UNKL: variants seen among roughly 807,000 people sequenced by gnomAD.
UNKL encodes the protein unk like zinc finger.
Under a neutral mutation model 78.0 loss-of-function variants are expected in UNKL, and 60 were observed. The ratio of observed to expected loss-of-function variants is 0.77; its 90% CI spans 0.63 to 0.95. The LOEUF is 0.95. Among genes scored for constraint, UNKL ranks in the 40% least tolerant of loss-of-function variants. UNKL has a pLI of 0.00. For synonymous variants in UNKL, 608 were observed against 474.8 expected (o/e 1.28, Z -3.65); for missense variants, 1,159 against 1,045.7 (o/e 1.11, Z -1.49).
chr16:1,409,957 G>A (rs967677879), intron 2 of UNKL, among the ~76,000 whole-genome samples: 1 of 152,094 alleles, frequency 6.6e-6, no homozygotes, highest in African/African-American at 2.4e-5. Context: ...GCACACGCCT[G>A]TAATCCCAGC....
At chr16:1,394,316 G>A (rs555570577) in intron 6 of UNKL, 101 bp from the exon 7 acceptor site, 25 of 1,370,528 alleles carry the variant, frequency 1.8e-5, no homozygotes, top group Middle Eastern at 1.8e-4. Flanking sequence ...GCTCCAAATC[G>A]TAACAAGACA....
In UNKL at chr16:1,366,028, T is replaced by C; in HGVS notation, c.*212A>G. The C allele has an allele frequency of 2.0e-6, 1 of 491,504 alleles. No homozygotes were observed. Among genetic ancestry groups the C allele is most frequent in the South Asian group, 5.2e-5 (1 of 19,226 alleles). The allele number at this position is 491,504 out of a possible 1,614,324, so 30.4% of individuals were successfully genotyped here. A position where few individuals can be genotyped will look rare whatever the true frequency, so the allele number is the denominator to read the frequency against. On this transcript the variant is annotated 3_prime_UTR_variant, in exon 15 of 15. Coordinates refer to ENST00000389221, the MANE Select transcript of UNKL (RefSeq NM_001372107.1). Reference sequence around the variant, plus strand: ...TTTTGAGGAAAATACCTTGAAACCGTCGGTAGGACTAGATAGGTGACAACG... The same window carrying C: ...TTTTGAGGAAAATACCTTGAAACCGCCGGTAGGACTAGATAGGTGACAACG...
At chr16:1,413,738 A>G in intron 2 of UNKL, 108 bp downstream of exon 2, 1 of 1,236,416 alleles carries the variant, frequency 8.1e-7, no homozygotes, top group Non-Finnish European at 1.1e-6. Context: ...CTCCCTCTGC[A>G]GGGGCCAGGT....
chr16:1,370,813 C>T (rs552544401), intron 11 of UNKL, among the ~76,000 whole-genome samples: 1 of 152,046 alleles, frequency 6.6e-6, no homozygotes, highest in East Asian at 1.9e-4. Flanking sequence ...GCCGGGCGCA[C>T]TGGCTCACGC....
At chr16:1,405,635 T>A (rs2037722351) in intron 2 of UNKL, among the ~76,000 whole-genome samples, 1 of 149,976 alleles carries the variant, frequency 6.7e-6, no homozygotes, top group African/African-American at 2.5e-5. Flanking sequence ...TACGGACACC[T>A]AGGAGGTGAG....
intron 14 of UNKL, 122 bp downstream of exon 14, chr16:1,366,970 G>A (rs2035321576): frequency 7.0e-7 from 1 of 1,427,972 alleles, no homozygotes; most frequent in Non-Finnish European, 9.1e-7. Flanking sequence ...TCCTCCCTAG[G>A]CCCGGAGCAG....
chr16:1,377,659 C>T (rs1277869720), intron 10 of UNKL, among the ~76,000 whole-genome samples: 1 of 152,188 alleles, frequency 6.6e-6, no homozygotes, highest in Non-Finnish European at 1.5e-5. Context: ...TCCCTGAGGG[C>T]TGGCAGCCTC....
intron 2 of UNKL, among the ~76,000 whole-genome samples, chr16:1,409,457 C>T (rs79590264): frequency 2.0e-5 from 3 of 151,990 alleles, no homozygotes; most frequent in African/African-American, 7.3e-5. Flanking sequence ...AAGGGCCGGT[C>T]GAAGCAAGTC....
chr16:1,390,142 A>G (rs2036987283), intron 9 of UNKL, among the ~76,000 whole-genome samples: 1 of 152,180 alleles, frequency 6.6e-6, no homozygotes, highest in South Asian at 2.1e-4. Flanking sequence ...ACGTGCCACC[A>G]TGCCTGGCTA....
intron 5 of UNKL, chr16:1,398,395 G>A (rs1259399864): frequency 2.0e-5 from 21 of 1,025,570 alleles, no homozygotes; most frequent in Middle Eastern, 9.5e-4. Context: ...TTCTTTCCAT[G>A]ACGGGCGATG....
intron 2 of UNKL, among the ~76,000 whole-genome samples, chr16:1,404,211 G>A (rs1352657926): frequency 6.6e-6 from 1 of 152,178 alleles, no homozygotes; most frequent in Non-Finnish European, 1.5e-5. Context: ...AAGGGCCAAG[G>A]CAGAGGATGA....
chr16:1,371,052 C>T (rs2035784812), intron 11 of UNKL, among the ~76,000 whole-genome samples: 1 of 142,234 alleles, frequency 7.0e-6, no homozygotes, highest in African/African-American at 2.7e-5. Context: ...CACTGCACTC[C>T]AGCCTGGGCG....
intron 2 of UNKL, among the ~76,000 whole-genome samples, chr16:1,406,396 A>G (rs1359860134): frequency 6.6e-6 from 1 of 152,096 alleles, no homozygotes; most frequent in Admixed American, 6.6e-5. Flanking sequence ...TATATTTAGT[A>G]GAGACAGGGT....
rs762776057 is a variant in UNKL, at chr16:1,367,134, C to T, written c.2004G>A (p.Ser668=). 8.1e-6 allele frequency: 13 copies of T among 1,595,292 alleles called. 1 individual carries two copies. Among genetic ancestry groups the T allele is most frequent in the Middle Eastern group, 1.7e-4 (1 of 6,018 alleles). ...GGTCCAGGCGCAGCTGACTCTGCAG[C>T]GAGTGCAGCTTCGGCAGGGGAATGG... ...IGTIPLPKLH[S]LQSQLRLDLE... Residue 668 remains serine (S), a synonymous_variant, in exon 14 of 15, where the codon TCG becomes TCA. Transcript: ENST00000389221.
intron 5 of UNKL, chr16:1,398,900 G>A: frequency 6.4e-7 from 1 of 1,571,490 alleles, no homozygotes; most frequent in Non-Finnish European, 8.6e-7. Context: ...TGGGTTGTTG[G>A]CCCTGGGACT....
In UNKL at chr16:1,401,795, G is replaced by A. The variant is rs542076147; in HGVS notation, c.465-94C>T. ...GAGGGCACGCTCCCCTCCCACCACT[G>A]CACAGAGAGGCTGCTGCCGAAGGGT... On this transcript the variant is annotated intron_variant, in intron 3 of 14. Transcript: ENST00000389221. 1.8e-5 allele frequency: 27 copies of A among 1,481,412 alleles called. No homozygotes were observed. In the African/African-American group the frequency reaches 3.1e-4, roughly 17 times the overall value. The allele number at this position is 1,481,412 out of a possible 1,614,324, so 91.8% of individuals were successfully genotyped here.
chr16:1,408,702 G>A (rs2037895665), intron 2 of UNKL: 1 of 152,776 alleles, frequency 6.5e-6, no homozygotes, highest in Non-Finnish European at 1.5e-5. Flanking sequence ...CAGCAACTGA[G>A]CAGGCAGGGG....
chr16:1,401,430 G>C, intron 4 of UNKL, 138 bp downstream of exon 4: 1 of 1,167,284 alleles, frequency 8.6e-7, no homozygotes, highest in African/African-American at 1.6e-5. Flanking sequence ...GCTTGGTATT[G>C]GACTCCACGA....
Position 1,367,317 on chromosome 16 carries a change from C to T in UNKL, c.1821G>A (p.Glu607=). 1 of 1,549,534 alleles carries T rather than the reference C, an allele frequency of 6.5e-7. No homozygotes were observed. The highest frequency in any genetic ancestry group is 8.7e-7 in the Non-Finnish European group (1 of 1,151,896). The change falls in exon 14 of 15, where the codon GAG becomes GAA. Residue 607 remains glutamate, a synonymous_variant. Coordinates refer to ENST00000389221, the MANE Select transcript of UNKL (RefSeq NM_001372107.1). ...VCDAWQREAQ[E]AKERARVADS... ...CGGCCACACGGGCACGCTCCTTGGC[C>T]TCCTGCGCCTCTCGCTGCCAGGCAT...
Sources: allele counts gnomAD v4.1 joint callset (sites outside exome capture counted in the v4.1 genomes callset), GRCh38; gene constraint gnomAD v4.1.1; transcripts MANE v1.5; gene names NCBI Gene and HGNC (gene_info 2026-07-23, HGNC 2026-07-21).